CFAP77: variants seen among roughly 807,000 people sequenced by gnomAD.
CFAP77 encodes cilia and flagella associated protein 77.
In CFAP77, 25 loss-of-function variants were observed where a neutral mutation model predicts 31.1. The observed-to-expected ratio is 0.80, with a 90% CI of 0.59 to 1.12. The LOEUF is 1.12. CFAP77 is among the 50% of genes most tolerant of loss of function. The pLI is 0.00. For missense variants in CFAP77, 377 were observed against 397.3 expected (o/e 0.95, Z 0.44); for synonymous variants, 151 against 159.9 (o/e 0.94, Z 0.42).
chr9:132,428,605 ACTCTGT>A (rs1850354265), intron 1 of CFAP77, among the ~76,000 whole-genome samples: 1 of 152,052 alleles, frequency 6.6e-6, no homozygotes, highest in South Asian at 2.1e-4. Flanking sequence ...ACAGAGCGAG[ACTCTGT>A]CTCAAAAAAC....
chr9:132,533,256 G>A (rs561192838), intron 3 of CFAP77, among the ~76,000 whole-genome samples: 2 of 152,348 alleles, frequency 1.3e-5, no homozygotes, highest in East Asian at 3.9e-4. Context: ...CACTGGCCGT[G>A]TTCTGGATAC....
At chr9:132,459,829 G>GT (rs1449181885) in intron 1 of CFAP77, among the ~76,000 whole-genome samples, 1 of 149,486 alleles carries the variant, frequency 6.7e-6, no homozygotes, top group East Asian at 2.0e-4. Flanking sequence ...ATGAGTGTGC[G>GT]TATGTGTGGG....
At chr9:132,546,134 A>G (rs1386548118) in intron 5 of CFAP77, among the ~76,000 whole-genome samples, 1 of 152,220 alleles carries the variant, frequency 6.6e-6, no homozygotes, top group East Asian at 1.9e-4. Flanking sequence ...CTGAACCGCC[A>G]GTACAGCCCA....
intron 3 of CFAP77, among the ~76,000 whole-genome samples, chr9:132,504,293 G>T (rs559590946): frequency 6.6e-6 from 1 of 152,290 alleles, no homozygotes; most frequent in East Asian, 1.9e-4. Flanking sequence ...TCATCCTAGT[G>T]CCGGGGTTTT....
chr9:132,446,945 G>A (rs1850732782), intron 1 of CFAP77, among the ~76,000 whole-genome samples: 2 of 151,314 alleles, frequency 1.3e-5, no homozygotes, highest in Admixed American at 6.6e-5. Flanking sequence ...TGGGGAGCGG[G>A]GGTCTCCCTA....
intron 3 of CFAP77, among the ~76,000 whole-genome samples, chr9:132,531,043 A>C (rs1390665194): frequency 7.2e-5 from 11 of 152,238 alleles, no homozygotes; most frequent in Admixed American, 7.2e-4. Context: ...TGTTGAAAAG[A>C]CTATCCTTCC....
intron 5 of CFAP77, among the ~76,000 whole-genome samples, chr9:132,568,309 CTT>C (rs1481717092): frequency 6.6e-6 from 1 of 152,216 alleles, no homozygotes; most frequent in Non-Finnish European, 1.5e-5. Context: ...AATCCCAACA[CTT>C]TGGGAGGCCG....
At chr9:132,525,221 T>C (rs949219945) in intron 3 of CFAP77, among the ~76,000 whole-genome samples, 23 of 151,962 alleles carry the variant, frequency 1.5e-4, no homozygotes, top group African/African-American at 3.4e-4. Context: ...GGTTTCACCA[T>C]ATTGGCCAGA....
At chr9:132,418,994 A>G (rs1312182479) in intron 1 of CFAP77, among the ~76,000 whole-genome samples, 1 of 152,206 alleles carries the variant, frequency 6.6e-6, no homozygotes, top group Non-Finnish European at 1.5e-5. Flanking sequence ...TATGCTTTAT[A>G]AAGAAAACAG....
At chr9:132,429,993 C>A (rs185695402) in intron 1 of CFAP77, among the ~76,000 whole-genome samples, 4 of 151,778 alleles carry the variant, frequency 2.6e-5, no homozygotes, top group Non-Finnish European at 5.9e-5. Flanking sequence ...AGCAGCTCCC[C>A]GGATAGTCCA....
intron 1 of CFAP77, among the ~76,000 whole-genome samples, chr9:132,438,543 T>TATATATATATA (rs1564204145): frequency 1.1e-4 from 10 of 88,304 alleles, no homozygotes; most frequent in Middle Eastern, 5.5e-3. Context: ...ATATATATAT[T>TATATATATATA]TTTTTTTTTT....
At chr9:132,522,929 A>G (rs1297240081) in intron 3 of CFAP77, among the ~76,000 whole-genome samples, 1 of 152,190 alleles carries the variant, frequency 6.6e-6, no homozygotes, top group East Asian at 1.9e-4. Context: ...AACTCTCAGG[A>G]GTCCTTTTCT....
chr9:132,449,466 A>G (rs1240254170), intron 1 of CFAP77, among the ~76,000 whole-genome samples: 1 of 150,578 alleles, frequency 6.6e-6, no homozygotes, highest in Non-Finnish European at 1.5e-5. Context: ...TACTTCTTTC[A>G]TTAGCATAAG....
At chr9:132,426,059 C>T (rs948691098) in intron 1 of CFAP77, among the ~76,000 whole-genome samples, 6 of 152,204 alleles carry the variant, frequency 3.9e-5, no homozygotes, top group Non-Finnish European at 8.8e-5. Context: ...TCTGCCGAGA[C>T]CCCCGCCCGC....
chr9:132,498,735 C>G lies in CFAP77; in HGVS notation c.236C>G (p.Pro79Arg). The G allele has an allele frequency of 6.2e-7, 1 of 1,612,698 alleles. No individual in the cohort carries two copies. The change falls in exon 2 of 6, where the codon CCC (proline) becomes CGC (arginine). Residue 79 changes from proline to arginine, a missense_variant. Physicochemically the swap from Pro to Arg is moderately radical, Grantham distance 103. Transcript: ENST00000393216. This position sits in a 1 kb window ranked among gnomAD's most constrained non-coding sequence, Gnocchi z 4.2. ...CCCCGGGAAAGAAGCTACAGTCTGC[C>G]CGGCATTAATTTTAATTATGGACTC... ...GKPRERSYSL[P>R]GINFNYGLYI... is the part of the protein sequence containing the mutation.
intron 1 of CFAP77, among the ~76,000 whole-genome samples, chr9:132,454,637 C>T (rs533020991): frequency 4.6e-5 from 7 of 152,314 alleles, no homozygotes; most frequent in South Asian, 2.1e-4. Context: ...AATGGAACCA[C>T]GTGGTGAATC....
At chr9:132,460,977 C>G (rs1367368268) in intron 1 of CFAP77, among the ~76,000 whole-genome samples, 1 of 152,184 alleles carries the variant, frequency 6.6e-6, no homozygotes, top group Non-Finnish European at 1.5e-5. Context: ...TTACCTGCCT[C>G]AGTCTCCCAA....
At position 132,415,424 on chromosome 9, in the gene CFAP77, G is replaced by A. The variant is rs980124900; in HGVS notation, c.195+4958G>A. On this transcript the variant is annotated intron_variant, in intron 1 of 5. Transcript: ENST00000393216. ...GCCGAGCTGCCCCCTTCACCGGCTC[G>A]TCACCACCCTGGGGCAGCCACTGCC... Among the ~76,000 whole-genome samples the A allele has an allele frequency of 7.2e-5, 11 of 152,256 alleles. No individual in the cohort carries two copies. In the East Asian group the frequency reaches 1.2e-3, roughly 16 times the overall value.
At chr9:132,555,337 C>T (rs958447239) in intron 5 of CFAP77, among the ~76,000 whole-genome samples, 4 of 152,178 alleles carry the variant, frequency 2.6e-5, no homozygotes, top group African/African-American at 7.2e-5. Flanking sequence ...CACTCCACCC[C>T]GATGGGCCGA....
Sources: gnomAD v4.1 joint callset for allele counts (sites outside exome capture counted in the v4.1 genomes callset) on GRCh38, gnomAD v4.1.1 for gene constraint, Gnocchi (gnomAD v3.1) non-coding constraint, MANE v1.5 for transcripts, NCBI Gene and HGNC (gene_info 2026-07-23, HGNC 2026-07-21) for gene names.